The following SLC13A5 variants were observed in gnomAD, a reference collection of about 807,000 sequenced individuals.
The protein encoded by SLC13A5 is Na(+)/citrate cotransporter.
In SLC13A5, 25 loss-of-function variants were observed where a neutral mutation model predicts 56.5. The ratio of observed to expected loss-of-function variants is 0.44; its 90% confidence interval spans 0.32 to 0.62. The LOEUF (loss-of-function observed/expected upper bound fraction) is 0.62. SLC13A5 is among the 20% of genes least tolerant of loss of function. The pLI is 0.04. For synonymous variants in SLC13A5, 307 were observed against 301.5 expected (o/e 1.02, Z -0.19); for missense variants, 649 against 737.8 (o/e 0.88, Z 1.39).
At chr17:6,688,689 G>A (rs1973315417) in intron 10 of SLC13A5, 1 of 152,258 alleles carries the variant, frequency 6.6e-6, no homozygotes. Context: ...AGAATCTCTT[G>A]AACCCGGGAG....
chr17:6,685,975 C>T lies in SLC13A5; in HGVS notation c.*232G>A. 1.7e-6 allele frequency: 1 copy of T among 577,412 alleles called. No homozygotes were observed. Among genetic ancestry groups the T allele is most frequent in the Non-Finnish European group, 3.0e-6 (1 of 328,694 alleles). The allele number at this position is 577,412 out of a possible 1,614,324, so 35.8% of individuals were successfully genotyped here. On this transcript the variant is annotated 3_prime_UTR_variant, in exon 12 of 12. Transcript: ENST00000433363. The surrounding 1 kb of genome is among the most constrained non-coding windows in gnomAD (Gnocchi z 4.2). ...TGGCAAGGCTTGGGAAAGATGGGTC[C>T]AGCAGCCCACTGAGGGGTTCCCTTC...
Position 6,693,080 on chromosome 17 carries a change from T to G in SLC13A5, c.1239A>C (p.Leu413=), listed in dbSNP as rs568552583. ...TAGCCAGAGCAAATCCGCCCCCTAG[T>G]AGCAGCACGATGCCCCAGGGCACTT... The part of the protein sequence containing the change: ...QEKVPWGIVL[L]LGGGFALAKG... The change falls in exon 9 of 12, where the codon CTA becomes CTC. Residue 413 remains leucine (L), a synonymous_variant. Transcript: ENST00000433363. The G allele has an allele frequency of 6.2e-7, 1 of 1,614,052 alleles. No individual in the cohort carries two copies. The highest frequency in any genetic ancestry group is 2.2e-5 in the East Asian group (1 of 44,866).
rs59197080 is a variant in SLC13A5, at chr17:6,711,485, G to GGT, written c.102+1745_102+1746dup. On this transcript the variant is annotated intron_variant, in intron 1 of 11. Coordinates refer to ENST00000433363, the MANE Select transcript of SLC13A5 (RefSeq NM_177550.5). This position sits in a 1 kb window ranked among gnomAD's most constrained non-coding sequence, Gnocchi z 4.0. ...CACTGAGTTAGGGTTTCCAGTTCAG[G>GGT]GTGTGTGTGTGTGTGTGTGTGTATG... 0.24 allele frequency among the ~76,000 whole-genome samples: 35,215 copies of GGT among 147,966 alleles called. 4,786 individuals are homozygous for GGT. The highest frequency in any genetic ancestry group is 0.61 in the East Asian group (2,936 of 4,778).
At position 6,694,085 on chromosome 17, in the gene SLC13A5, C is replaced by A. The variant is rs746398159; in HGVS notation, c.1156+12G>T. ...AGTCCTGATGACTGGGCGATCAGAA[C>A]AGGAGACTTACCTTCCTCAGTCTGG... On this transcript the variant is annotated intron_variant, in intron 8 of 11. Transcript: ENST00000433363. The A allele has an allele frequency of 6.3e-7, 1 of 1,596,994 alleles. No individual in the cohort carries two copies. The highest frequency in any genetic ancestry group is 1.1e-5 in the South Asian group (1 of 90,314).
rs1973786683 is a variant in SLC13A5, at chr17:6,703,860, C to T, written c.547+18G>A. ...AGGCTGCTGTTGTGGCCTGGCAGTG[C>T]CCTGGCCAGGGGCTCACCTGGCAGC... On this transcript the variant is annotated intron_variant, in intron 4 of 11. Transcript: ENST00000433363. 3 of 1,520,560 alleles carry T rather than the reference C, an allele frequency of 2.0e-6. No homozygotes were observed. The highest frequency in any genetic ancestry group is 4.5e-5 in the East Asian group (2 of 43,960). The allele number at this position is 1,520,560 out of a possible 1,614,324, so 94.2% of individuals were successfully genotyped here.
rs1973439779 is a variant in SLC13A5, at chr17:6,692,508, T to C, written c.1275+536A>G. ...TGGTTGGAGGACAGCAGCAGCAAGC[T>C]AGCTCATCCCTCCCTCTGGCTCATT... On this transcript the variant is annotated intron_variant, in intron 9 of 11. Coordinates refer to ENST00000433363, the MANE Select transcript of SLC13A5 (RefSeq NM_177550.5). The surrounding 1 kb of genome is among the most constrained non-coding windows in gnomAD (Gnocchi z 5.5). Among the ~76,000 whole-genome samples the C allele has an allele frequency of 1.3e-5, 2 of 152,216 alleles. No individual in the cohort carries two copies. Among genetic ancestry groups the C allele is most frequent in the African/African-American group, 4.8e-5 (2 of 41,456 alleles).
intron 10 of SLC13A5, among the ~76,000 whole-genome samples, chr17:6,690,284 G>C (rs1412240097): frequency 6.6e-6 from 1 of 151,984 alleles, no homozygotes; most frequent in South Asian, 2.1e-4. Flanking sequence ...GGAGTCCTCA[G>C]TCATGTGCAC....
At position 6,710,846 on chromosome 17, in the gene SLC13A5, T is replaced by C. The variant is rs559519737; in HGVS notation, c.102+2386A>G. On this transcript the variant is annotated intron_variant, in intron 1 of 11. Transcript: ENST00000433363. Reference sequence around the variant, plus strand: ...TGTTCATCAAAATGTGAATAACTTATGGGATTTGAGTGTACTTTTATTTTT... The same window carrying C: ...TGTTCATCAAAATGTGAATAACTTACGGGATTTGAGTGTACTTTTATTTTT... 2.6e-5 allele frequency among the ~76,000 whole-genome samples: 4 copies of C among 152,218 alleles called. No individual in the cohort carries two copies. The East Asian group carries it at 5.8e-4, about 22-fold the overall frequency.
chr17:6,692,123 A>AGATGGATAGATG lies in SLC13A5; in HGVS notation c.1275+920_1275+921insCATCTATCCATC, dbSNP rs1973422869. Among the ~76,000 whole-genome samples the AGATGGATAGATG allele has an allele frequency of 1.4e-5, 2 of 143,954 alleles. No homozygotes were observed. The highest frequency in any genetic ancestry group is 2.6e-5 in the African/African-American group (1 of 37,806). 94.4% of individuals were successfully genotyped at this position (143,954 alleles called of 152,430 possible). A position where few individuals can be genotyped will look rare whatever the true frequency, so the allele number is the denominator to read the frequency against. ...AGGAATGTTGGATGGATGGATGGATAGATGGATGGATGGATGGATGGATGG... is the reference window on the plus strand; with the variant it reads ...AGGAATGTTGGATGGATGGATGGATAGATGGATAGATGGATGGATGGATGGATGGATGGATGG... On this transcript the variant is annotated intron_variant, in intron 9 of 11. Coordinates refer to ENST00000433363, the MANE Select transcript of SLC13A5 (RefSeq NM_177550.5). The surrounding 1 kb of genome is among the most constrained non-coding windows in gnomAD (Gnocchi z 5.5).
At chr17:6,712,359 G>T (rs1418346541) in intron 1 of SLC13A5, among the ~76,000 whole-genome samples, 1 of 152,248 alleles carries the variant, frequency 6.6e-6, no homozygotes, top group Non-Finnish European at 1.5e-5. Context: ...GCCACAAAAG[G>T]CTTCAAAGGG....
intron 1 of SLC13A5, among the ~76,000 whole-genome samples, chr17:6,708,608 T>C (rs1038186593): frequency 6.6e-6 from 1 of 152,182 alleles, no homozygotes; most frequent in Non-Finnish European, 1.5e-5. Flanking sequence ...ACACTTCCAA[T>C]ATTAAACACT....
chr17:6,687,415 T>G lies in SLC13A5; in HGVS notation c.1575+114A>C. 7.0e-7 allele frequency: 1 copy of G among 1,431,084 alleles called. No individual in the cohort carries two copies. Among genetic ancestry groups the G allele is most frequent in the Non-Finnish European group, 9.7e-7 (1 of 1,032,292 alleles). The allele number at this position is 1,431,084 out of a possible 1,614,324, so 88.6% of individuals were successfully genotyped here. ...AATGGCTACAGGTCTGGATGTTCCG[T>G]GGCATTCCCAAGTCACATGACATCG... is the stretch of plus-strand genomic sequence containing the variant. On this transcript the variant is annotated intron_variant, in intron 11 of 11. Transcript: ENST00000433363. The surrounding 1 kb of genome is among the most constrained non-coding windows in gnomAD (Gnocchi z 5.0).
At position 6,686,247 on chromosome 17, in the gene SLC13A5, T is replaced by C. The variant is rs1973248055; in HGVS notation, c.1667A>G (p.His556Arg). Reference sequence around the variant, plus strand: ...TGTCACATTAGCCCAGTCAGGGAAATGATCCAAGTCAAATATGGCCCGTCC... The same window carrying C: ...TGTCACATTAGCCCAGTCAGGGAAACGATCCAAGTCAAATATGGCCCGTCC... The part of the protein sequence containing the change: ...TWGRAIFDLD[H>R]FPDWANVTHI... The change falls in exon 12 of 12, where the codon CAT (histidine) becomes CGT (arginine). Residue 556 changes from histidine to arginine, a missense_variant. Coordinates refer to ENST00000433363, the MANE Select transcript of SLC13A5 (RefSeq NM_177550.5). 3.1e-6 allele frequency: 5 copies of C among 1,614,122 alleles called. No individual in the cohort carries two copies. Among genetic ancestry groups the C allele is most frequent in the Non-Finnish European group, 4.2e-6 (5 of 1,180,012 alleles).
chr17:6,702,929 A>G (rs766644014), intron 5 of SLC13A5, 41 bp downstream of exon 5: 1 of 1,602,930 alleles, frequency 6.2e-7, no homozygotes, highest in East Asian at 2.2e-5. Context: ...CAGCCCCGGT[A>G]CCCACTTCGT....
In SLC13A5 at chr17:6,687,760, G is replaced by T; in HGVS notation, c.1438-94C>A. ...AGGATTCTCTGAATGTGCCGGGTAC[G>T]TTTGAACCTCTGTGCCTCAGTCTTG... On this transcript the variant is annotated intron_variant, in intron 10 of 11. Coordinates refer to ENST00000433363, the MANE Select transcript of SLC13A5 (RefSeq NM_177550.5). This position sits in a 1 kb window ranked among gnomAD's most constrained non-coding sequence, Gnocchi z 5.0. 7.0e-7 allele frequency: 1 copy of T among 1,423,358 alleles called. No homozygotes were observed. Among genetic ancestry groups the T allele is most frequent in the East Asian group, 2.6e-5 (1 of 38,210 alleles). The allele number at this position is 1,423,358 out of a possible 1,614,324, so 88.2% of individuals were successfully genotyped here. A position where few individuals can be genotyped will look rare whatever the true frequency, so the allele number is the denominator to read the frequency against.
chr17:6,707,592 A>G (rs1277071433), intron 1 of SLC13A5, among the ~76,000 whole-genome samples: 1 of 152,198 alleles, frequency 6.6e-6, no homozygotes, highest in Admixed American at 6.5e-5. Context: ...GAGAAGGAGA[A>G]GAAGAATAAA....
chr17:6,707,708 G>C (rs989339047), intron 1 of SLC13A5, among the ~76,000 whole-genome samples: 1 of 152,130 alleles, frequency 6.6e-6, no homozygotes, highest in South Asian at 2.1e-4. Context: ...GCAATGGAAA[G>C]CCAAATAGTG....
Position 6,703,104 on chromosome 17 carries a change from C to G in SLC13A5, c.582G>C (p.Gly194=), listed in dbSNP as rs147260918. The G allele has an allele frequency of 8.1e-6, 13 of 1,614,124 alleles. No homozygotes were observed. Among genetic ancestry groups the G allele is most frequent in the Non-Finnish European group, 1.1e-5 (13 of 1,180,030 alleles). ...TCTTCCGCTCTTGGTCTTCCTGCTG[C>G]CCCAGAGTGGGGCCTTCAAAAATCA... ...SQVIFEGPTL[G]QQEDQERKRL... is the part of the protein sequence containing the mutation. The change falls in exon 5 of 12, where the codon GGG becomes GGC. Residue 194 remains glycine (G), a synonymous_variant. Coordinates refer to ENST00000433363, the MANE Select transcript of SLC13A5 (RefSeq NM_177550.5).
At position 6,692,737 on chromosome 17, in the gene SLC13A5, T is replaced by C. The variant is rs905028931; in HGVS notation, c.1275+307A>G. 1.2e-4 allele frequency: 44 copies of C among 371,576 alleles called. 1 individual carries two copies. In the Middle Eastern group the frequency reaches 2.4e-3, roughly 20 times the overall value. 23.0% of individuals were successfully genotyped at this position (371,576 alleles called of 1,614,324 possible). A position where few individuals can be genotyped will look rare whatever the true frequency, so the allele number is the denominator to read the frequency against. On this transcript the variant is annotated intron_variant, in intron 9 of 11. Coordinates refer to ENST00000433363, the MANE Select transcript of SLC13A5 (RefSeq NM_177550.5). This position sits in a 1 kb window ranked among gnomAD's most constrained non-coding sequence, Gnocchi z 5.5. ...GAAAGAAAGATTTCCCTCAGACAAATCAAAGCAGAGATTATTGTGATCAAG... is the reference window on the plus strand; with the variant it reads ...GAAAGAAAGATTTCCCTCAGACAAACCAAAGCAGAGATTATTGTGATCAAG...
Sources: gnomAD v4.1 joint callset for allele counts (sites outside exome capture counted in the v4.1 genomes callset) on GRCh38, gnomAD v4.1.1 for gene constraint, Gnocchi (gnomAD v3.1) non-coding constraint, MANE v1.5 for transcripts, NCBI Gene and HGNC (gene_info 2026-07-23, HGNC 2026-07-21) for gene names.